PRORP: variants seen among roughly 807,000 people sequenced by gnomAD.
PRORP encodes mitochondrial ribonuclease P catalytic subunit.
PRORP carries 51 observed loss-of-function variants against 59.4 expected under a neutral mutation model. The ratio of observed to expected loss-of-function variants is 0.86; its 90% CI spans 0.69 to 1.08. The LOEUF (loss-of-function observed/expected upper bound fraction) is 1.08. PRORP is among the 50% of genes least tolerant of loss of function. PRORP has a pLI of 0.00. For missense variants in PRORP, 646 were observed against 690.3 expected, an observed-to-expected ratio of 0.94 and a Z score of 0.72; for synonymous variants, 231 against 245.6, an observed-to-expected ratio of 0.94 and a Z score of 0.55.
chr14:35,123,171 A>G lies in PRORP; in HGVS notation c.-75A>G, dbSNP rs1254719613. 3 of 1,466,466 alleles carry G rather than the reference A, an allele frequency of 2.0e-6. No individual in the cohort carries two copies. The highest frequency in any genetic ancestry group is 2.8e-5 in the African/African-American group (2 of 70,862). 90.8% of individuals were successfully genotyped at this position (1,466,466 alleles called of 1,614,324 possible). ...TTCGACTCTGCACCGCCGACCCCCAATCTCTTTAATTTTGCCATAGAAGAG... is the reference window on the plus strand; with the variant it reads ...TTCGACTCTGCACCGCCGACCCCCAGTCTCTTTAATTTTGCCATAGAAGAG... On this transcript the variant is annotated 5_prime_UTR_variant, in exon 2 of 8. Coordinates refer to ENST00000534898, the MANE Select transcript of PRORP (RefSeq NM_014672.4).
At chr14:35,215,889 C>T (rs2139189696) in intron 5 of PRORP, among the ~76,000 whole-genome samples, 1 of 151,816 alleles carries the variant, frequency 6.6e-6, no homozygotes, top group East Asian at 1.9e-4. Flanking sequence ...GCCTCAGCCT[C>T]CTGAGTAGTT....
At chr14:35,122,165 G>A (rs2046929567), upstream of PRORP, 5 of 576,112 alleles carry the variant, frequency 8.7e-6, no homozygotes, top group Non-Finnish European at 1.6e-5. Context: ...CTGACTGGGG[G>A]AAAAAACTAT....
At chr14:35,184,087 C>G (rs1212524254) in intron 5 of PRORP, among the ~76,000 whole-genome samples, 1 of 151,924 alleles carries the variant, frequency 6.6e-6, no homozygotes, top group Admixed American at 6.6e-5. Context: ...CTGCATTATA[C>G]ATTACACATT....
intron 4 of PRORP, among the ~76,000 whole-genome samples, chr14:35,131,654 G>T (rs1312444792): frequency 1.3e-5 from 2 of 148,790 alleles, no homozygotes; most frequent in African/African-American, 2.5e-5. Flanking sequence ...TCAGCCTTCC[G>T]AGTAGCTGGG....
At chr14:35,207,880 G>A (rs571749227) in intron 5 of PRORP, among the ~76,000 whole-genome samples, 20 of 152,286 alleles carry the variant, frequency 1.3e-4, no homozygotes, top group African/African-American at 4.3e-4. Context: ...GGCCGGGCGC[G>A]GTGGCTCACG....
chr14:35,232,354 C>T (rs116948969), intron 5 of PRORP, among the ~76,000 whole-genome samples: 2,816 of 151,386 alleles, frequency 0.019, 39 homozygotes, highest in Middle Eastern at 0.041. Flanking sequence ...TATAGGCATG[C>T]GCCACCATGC....
At position 35,266,615 on chromosome 14, in the gene PRORP, C is replaced by A. The variant is rs577442894; in HGVS notation, c.1276-112C>A. The A allele has an allele frequency of 1.9e-5, 21 of 1,096,184 alleles. No homozygotes were observed. In the South Asian group the frequency reaches 3.1e-4, roughly 16 times the overall value. The allele number at this position is 1,096,184 out of a possible 1,614,324, so 67.9% of individuals were successfully genotyped here. ...GAAATTATTGTGGATTGTTTTCTTA[C>A]CCCCTACCAGAAAAGAGTGCTTCAC... On this transcript the variant is annotated intron_variant, in intron 5 of 7. Coordinates refer to ENST00000534898, the MANE Select transcript of PRORP (RefSeq NM_014672.4).
intron 6 of PRORP, among the ~76,000 whole-genome samples, chr14:35,268,042 T>C (rs1005468206): frequency 1.3e-5 from 2 of 151,990 alleles, no homozygotes; most frequent in Admixed American, 6.6e-5. Flanking sequence ...ATGGTAAACA[T>C]GGTCAGTAAC....
chr14:35,251,138 A>C (rs1377144037), intron 5 of PRORP, among the ~76,000 whole-genome samples: 1 of 152,126 alleles, frequency 6.6e-6, no homozygotes. Context: ...TCCATTCCTG[A>C]GTTACTTCAC....
chr14:35,123,781 T>C lies in PRORP; in HGVS notation c.536T>C (p.Val179Ala), dbSNP rs2047011283. ...NNGIVSYDLL[V>A]KYLYLCVFHM... ...GGTATTGTAAGTTACGATTTACTGG[T>C]CAAGTATTTGTATCTCTGTGTCTTT... The change falls in exon 2 of 8, where the codon GTC becomes GCC. Residue 179 changes from valine (V) to alanine (A), a missense_variant. By Grantham distance (64) the Val-to-Ala change is moderately conservative (BLOSUM62 0). Coordinates refer to ENST00000534898, the MANE Select transcript of PRORP (RefSeq NM_014672.4). 2 of 1,614,230 alleles carry C rather than the reference T, an allele frequency of 1.2e-6. No individual in the cohort carries two copies. The highest frequency in any genetic ancestry group is 2.2e-5 in the East Asian group (1 of 44,890).
chr14:35,253,542 T>A (rs2050672998), intron 5 of PRORP, among the ~76,000 whole-genome samples: 1 of 152,128 alleles, frequency 6.6e-6, no homozygotes, highest in South Asian at 2.1e-4. Flanking sequence ...ATCGATTGTT[T>A]GCTCAGACAA....
intron 4 of PRORP, among the ~76,000 whole-genome samples, chr14:35,139,911 A>G (rs1308207422): frequency 6.9e-6 from 1 of 145,432 alleles, no homozygotes; most frequent in Non-Finnish European, 1.5e-5. Context: ...CTGGCAATTG[A>G]TGGTGTTCCT....
chr14:35,123,378 T>A lies in PRORP; in HGVS notation c.133T>A (p.Leu45Met), dbSNP rs759089620. Residue 45 changes from leucine (L) to methionine (M), a missense_variant, in exon 2 of 8, where the codon TTG (leucine) becomes ATG (methionine). Leu to Met is a conservative substitution (Grantham distance 15, BLOSUM62 2). Coordinates refer to ENST00000534898, the MANE Select transcript of PRORP (RefSeq NM_014672.4). ...CTGTGGCATCAGGAACCAGCAGAGG[T>A]TGTTTTCTCTTAAAACAATGTCTCC... ...DRCGIRNQQR[L>M]FSLKTMSPQN... is the part of the protein sequence containing the mutation. 1.2e-5 allele frequency: 20 copies of A among 1,613,976 alleles called. No homozygotes were observed. The Admixed American group carries it at 3.3e-4, about 27-fold the overall frequency.
At chr14:35,229,767 T>G (rs888492086) in intron 5 of PRORP, among the ~76,000 whole-genome samples, 6 of 152,188 alleles carry the variant, frequency 3.9e-5, no homozygotes, top group Admixed American at 2.0e-4. Context: ...TTAATTGACA[T>G]GTTCTTTGTC....
chr14:35,135,062 G>A, intron 4 of PRORP, among the ~76,000 whole-genome samples: 1 of 152,156 alleles, frequency 6.6e-6, no homozygotes, highest in East Asian at 1.9e-4. Context: ...TGCTATAACA[G>A]GGCAGCACTG....
intron 5 of PRORP, among the ~76,000 whole-genome samples, chr14:35,244,383 G>A (rs569949487): frequency 6.6e-6 from 1 of 151,924 alleles, no homozygotes; most frequent in East Asian, 1.9e-4. Context: ...ATAATTTAAT[G>A]CAGAAACCCA....
At chr14:35,133,145 CTCCTGACCTCATGA>C in intron 4 of PRORP, among the ~76,000 whole-genome samples, 1 of 152,246 alleles carries the variant, frequency 6.6e-6, no homozygotes, top group Non-Finnish European at 1.5e-5. Flanking sequence ...TGGTCTCGAA[CTCCTGACCTCATGA>C]TCTGCCCACT....
At chr14:35,160,491 A>G (rs1444421560) in intron 4 of PRORP, among the ~76,000 whole-genome samples, 2 of 152,178 alleles carry the variant, frequency 1.3e-5, no homozygotes, top group Non-Finnish European at 1.5e-5. Flanking sequence ...TTTTTTCACT[A>G]AAAGAGGACA....
intron 4 of PRORP, chr14:35,158,148 G>A (rs932098790): frequency 2.2e-5 from 6 of 274,134 alleles, no homozygotes; most frequent in Admixed American, 5.5e-5. Context: ...TTCCAGCTCC[G>A]TCTTCTTCAT....
Sources: gnomAD v4.1 joint callset for allele counts (sites outside exome capture counted in the v4.1 genomes callset) on GRCh38, gnomAD v4.1.1 for gene constraint, MANE v1.5 for transcripts, NCBI Gene and HGNC (gene_info 2026-07-23, HGNC 2026-07-21) for gene names.